AAK1: variants seen among roughly 807,000 people sequenced by gnomAD.
AAK1 encodes the protein AP2-associated protein kinase 1.
Under a neutral mutation model 116.0 loss-of-function variants are expected in AAK1, and 37 were observed. That is an observed-to-expected ratio of 0.32 (90% CI 0.25 to 0.42). The LOEUF (loss-of-function observed/expected upper bound fraction) is 0.42. AAK1 is among the 10% of genes least tolerant of loss of function. The probability of loss-of-function intolerance (pLI) is 1.00; values close to 1 mark genes in which losing one functional copy is unlikely to be tolerated. For synonymous variants in AAK1, 458 were observed against 439.9 expected, an observed-to-expected ratio of 1.04 and a Z score of -0.51; for missense variants, 919 against 1,170.6, an observed-to-expected ratio of 0.79 and a Z score of 3.14.
At position 69,473,339 on chromosome 2, in the gene AAK1, C is replaced by T; in HGVS notation, c.*2530G>A. The T allele has an allele frequency of 1.0e-6, 1 of 985,496 alleles. No homozygotes were observed. Among genetic ancestry groups the T allele is most frequent in the Non-Finnish European group, 1.2e-6 (1 of 829,968 alleles). 61.0% of individuals were successfully genotyped at this position (985,496 alleles called of 1,614,324 possible). ...GCTCAGGCTATGATTCCACAGGTACCAGGACACTATGCTCAACTCAAATAA... is the reference window on the plus strand; with the variant it reads ...GCTCAGGCTATGATTCCACAGGTACTAGGACACTATGCTCAACTCAAATAA... On this transcript the variant is annotated 3_prime_UTR_variant, in exon 22 of 22. Transcript: ENST00000409085.
In AAK1 at chr2:69,476,920, C is replaced by T; in HGVS notation, c.2751G>A (p.Glu917=). The T allele has an allele frequency of 6.2e-7, 1 of 1,613,742 alleles. No individual in the cohort carries two copies. Among genetic ancestry groups the T allele is most frequent in the Non-Finnish European group, 8.5e-7 (1 of 1,179,804 alleles). ...TTATCAATACAGGAATAGGGTCAAA[C>T]TCATCTTCAGCCACCTTGTCCGAGC... is the stretch of plus-strand genomic sequence containing the variant. The part of the protein sequence containing the change: ...PEGSDKVAED[E]FDPIPVLITK... Residue 917 remains glutamate, a synonymous_variant, in exon 21 of 22, where the codon GAG becomes GAA. Transcript: ENST00000409085.
At chr2:69,639,700 A>C (rs770599508) in intron 2 of AAK1, among the ~76,000 whole-genome samples, 2 of 152,086 alleles carry the variant, frequency 1.3e-5, no homozygotes, top group African/African-American at 2.4e-5. Flanking sequence ...TGTGGTGGTA[A>C]TCTGGTCTGT....
intron 21 of AAK1, among the ~76,000 whole-genome samples, chr2:69,476,373 C>T (rs1674857513): frequency 1.3e-5 from 2 of 152,042 alleles, no homozygotes; most frequent in Admixed American, 1.3e-4. Context: ...TAAGATACTG[C>T]AATAAGAACA....
intron 16 of AAK1, among the ~76,000 whole-genome samples, chr2:69,498,511 C>T (rs1675842438): frequency 6.6e-6 from 1 of 152,138 alleles, no homozygotes; most frequent in Admixed American, 6.6e-5. Context: ...CCTCTTTCTC[C>T]CCACCTCCCC....
rs1675024835 is a variant in AAK1 at position 69,480,066 on chromosome 2, A to G, written c.2569+794T>C. Among the ~76,000 whole-genome samples, 3 of 152,224 alleles carry G rather than the reference A, an allele frequency of 2.0e-5. No individual in the cohort carries two copies. The South Asian group carries it at 6.2e-4, about 32-fold the overall frequency. On this transcript the variant is annotated intron_variant, in intron 19 of 21. Transcript: ENST00000409085. Reference sequence around the variant, plus strand: ...CAAGGCACCCAGCCTGAGTTTAAGCATTTTAACACAGGGATTGTTTTCTGA... The same window carrying G: ...CAAGGCACCCAGCCTGAGTTTAAGCGTTTTAACACAGGGATTGTTTTCTGA...
At chr2:69,589,792 G>A (rs1052271993) in intron 2 of AAK1, among the ~76,000 whole-genome samples, 2 of 151,598 alleles carry the variant, frequency 1.3e-5, no homozygotes, top group Non-Finnish European at 2.9e-5. Context: ...TGAAAGCAGA[G>A]AGCAATCCCT....
chr2:69,564,056 G>A (rs1671761959), intron 2 of AAK1, among the ~76,000 whole-genome samples: 1 of 152,128 alleles, frequency 6.6e-6, no homozygotes. Flanking sequence ...GCTGGGTGTG[G>A]TGGCGCATGC....
rs1157031836 is a variant in AAK1 at position 69,473,323 on chromosome 2, A to T, written c.*2546T>A. 1.0e-6 allele frequency: 1 copy of T among 985,354 alleles called. No individual in the cohort carries two copies. The highest frequency in any genetic ancestry group is 1.7e-5 in the African/African-American group (1 of 57,252). 61.0% of individuals were successfully genotyped at this position (985,354 alleles called of 1,614,324 possible). A position where few individuals can be genotyped will look rare whatever the true frequency, so the allele number is the denominator to read the frequency against. Reference sequence around the variant, plus strand: ...CAAAGGTCCCTTTGTAGCTCAGGCTATGATTCCACAGGTACCAGGACACTA... The same window carrying T: ...CAAAGGTCCCTTTGTAGCTCAGGCTTTGATTCCACAGGTACCAGGACACTA... On this transcript the variant is annotated 3_prime_UTR_variant, in exon 22 of 22. Coordinates refer to ENST00000409085, the MANE Select transcript of AAK1 (RefSeq NM_014911.5).
intron 5 of AAK1, among the ~76,000 whole-genome samples, 169 bp downstream of exon 5, chr2:69,542,354 C>G (rs564157523): frequency 1.3e-5 from 2 of 152,274 alleles, no homozygotes; most frequent in South Asian, 4.1e-4. Context: ...AAACTTACAC[C>G]TGTACTGTAC....
Position 69,466,262 on chromosome 2 carries a change from G to C in AAK1, c.*9607C>G, listed in dbSNP as rs905523064. On this transcript the variant is annotated 3_prime_UTR_variant, in exon 22 of 22. Transcript: ENST00000409085. ...GAACGGCTCCTCCCAGCTTCCCCGGGGGGGGTCTGCAGCTCTCATCTTCTT... is the reference window on the plus strand; with the variant it reads ...GAACGGCTCCTCCCAGCTTCCCCGGCGGGGGTCTGCAGCTCTCATCTTCTT... The C allele has an allele frequency of 1.5e-5, 19 of 1,289,672 alleles. No homozygotes were observed. The highest frequency in any genetic ancestry group is 6.2e-5 in the South Asian group (5 of 81,030). The allele number at this position is 1,289,672 out of a possible 1,614,324, so 79.9% of individuals were successfully genotyped here. A position where few individuals can be genotyped will look rare whatever the true frequency, so the allele number is the denominator to read the frequency against.
At chr2:69,477,570 T>C (rs1334763595) in intron 20 of AAK1, among the ~76,000 whole-genome samples, 2 of 151,054 alleles carry the variant, frequency 1.3e-5, no homozygotes, top group Non-Finnish European at 3.0e-5. Flanking sequence ...CAAGTAGAAG[T>C]TTGTTAGAAT....
intron 2 of AAK1, among the ~76,000 whole-genome samples, chr2:69,565,871 C>T (rs1055733485): frequency 1.4e-5 from 2 of 142,398 alleles, no homozygotes; most frequent in South Asian, 2.2e-4. Context: ...TGAGAGCTTG[C>T]GTACACTATG....
In AAK1 at chr2:69,515,998, C is replaced by T. The variant is rs191079639; in HGVS notation, c.1498-1249G>A. Among the ~76,000 whole-genome samples the T allele has an allele frequency of 1.2e-3, 187 of 152,136 alleles. 1 individual carries two copies. Among genetic ancestry groups the T allele is most frequent in the African/African-American group, 4.2e-3 (176 of 41,506 alleles). On this transcript the variant is annotated intron_variant, in intron 12 of 21. Coordinates refer to ENST00000409085, the MANE Select transcript of AAK1 (RefSeq NM_014911.5). Reference sequence around the variant, plus strand: ...AGTTGTAAATAAGAATGAGCAATACCACTATATATGGGTTGGTGGGGATGG... The same window carrying T: ...AGTTGTAAATAAGAATGAGCAATACTACTATATATGGGTTGGTGGGGATGG...
chr2:69,627,777 C>T (rs867053644), intron 2 of AAK1, among the ~76,000 whole-genome samples: 1 of 152,334 alleles, frequency 6.6e-6, no homozygotes, highest in Middle Eastern at 3.4e-3. Flanking sequence ...TTTATGACAA[C>T]TCCCACTCCA....
At chr2:69,542,049 A>T (rs961321973) in intron 5 of AAK1, among the ~76,000 whole-genome samples, 1 of 152,362 alleles carries the variant, frequency 6.6e-6, no homozygotes, top group Middle Eastern at 3.4e-3. Context: ...TGCTAAGTTG[A>T]ACCCTAACAA....
chr2:69,506,355 CAAGA>C (rs2104961506), intron 15 of AAK1, among the ~76,000 whole-genome samples: 1 of 152,182 alleles, frequency 6.6e-6, no homozygotes, highest in South Asian at 2.1e-4. Context: ...TTTAAAAAAG[CAAGA>C]AAGTAATAGG....
chr2:69,509,101 C>A, intron 14 of AAK1, 130 bp downstream of exon 14: 2 of 729,412 alleles, frequency 2.7e-6, no homozygotes, highest in Non-Finnish European at 4.4e-6. Flanking sequence ...GAAAAATAAA[C>A]AAACACAAGT....
chr2:69,466,496 T>G lies in AAK1; in HGVS notation c.*9373A>C, dbSNP rs1674490213. On this transcript the variant is annotated 3_prime_UTR_variant, in exon 22 of 22. Coordinates refer to ENST00000409085, the MANE Select transcript of AAK1 (RefSeq NM_014911.5). Reference sequence around the variant, plus strand: ...GCGGAAGGCCTTTAACACCCAGTGATTCTTTAAAGTGCTCTACAGTTATTA... The same window carrying G: ...GCGGAAGGCCTTTAACACCCAGTGAGTCTTTAAAGTGCTCTACAGTTATTA... The G allele has an allele frequency of 8.0e-7, 1 of 1,253,360 alleles. No individual in the cohort carries two copies. The highest frequency in any genetic ancestry group is 1.0e-6 in the Non-Finnish European group (1 of 968,974). The allele number at this position is 1,253,360 out of a possible 1,614,324, so 77.6% of individuals were successfully genotyped here.
In AAK1 at chr2:69,470,194, C is replaced by T. The variant is rs187329089; in HGVS notation, c.*5675G>A. 78 of 985,414 alleles carry T rather than the reference C, an allele frequency of 7.9e-5. 1 individual carries two copies. In the African/African-American group the frequency reaches 1.3e-3, roughly 17 times the overall value. The allele number at this position is 985,414 out of a possible 1,614,324, so 61.0% of individuals were successfully genotyped here. The stretch of plus-strand genomic sequence containing the variant: ...ATACCAAAAACTGAAAGAACGGTTA[C>T]AGGGAGTATCAAAGATATGATTCTT... On this transcript the variant is annotated 3_prime_UTR_variant, in exon 22 of 22. Transcript: ENST00000409085.
Sources: allele counts gnomAD v4.1 joint callset (sites outside exome capture counted in the v4.1 genomes callset), GRCh38; gene constraint gnomAD v4.1.1; transcripts MANE v1.5; gene names NCBI Gene and HGNC (gene_info 2026-07-23, HGNC 2026-07-21).